Variants in LRRC3C observed in about 807,000 individuals in gnomAD.
LRRC3C encodes the protein leucine-rich repeat-containing protein 3C.
Under a neutral mutation model 14.8 loss-of-function variants are expected in LRRC3C, and 11 were observed. The ratio of observed to expected loss-of-function variants is 0.74; its 90% CI spans 0.47 to 1.23. LRRC3C has a LOEUF of 1.23. Among genes scored for constraint, LRRC3C ranks in the 50% most tolerant of loss-of-function variants. The pLI is 0.00. For synonymous variants in LRRC3C, 149 were observed against 161.5 expected, an observed-to-expected ratio of 0.92 and a Z score of 0.59; for missense variants, 354 against 361.8, an observed-to-expected ratio of 0.98 and a Z score of 0.18.
Position 39,941,540 on chromosome 17 carries a change from C to T in LRRC3C, c.17C>T (p.Ser6Phe). Reference sequence around the variant, plus strand: ...AGGTCTCCAATGCGTATGACCTCATCTTCCTTCGTGTAAGTATATCCACCC... The same window carrying T: ...AGGTCTCCAATGCGTATGACCTCATTTTCCTTCGTGTAAGTATATCCACCC... MRMTSSSFVSYCTPGL... is the reference protein window; with the variant it reads MRMTSFSFVSYCTPGL... Residue 6 changes from serine to phenylalanine, a missense_variant, in exon 3 of 4, where the codon TCT (serine) becomes TTT (phenylalanine). Transcript: ENST00000377924. The T allele has an allele frequency of 6.5e-7, 1 of 1,535,842 alleles. No homozygotes were observed.
At position 39,943,253 on chromosome 17, in the gene LRRC3C, C is replaced by G. The variant is rs531566621; in HGVS notation, c.27-680C>G. ...TCTCCAGAGCCCAGCAGCAGGGAGC[C>G]TACGTCCAGGGACAGGGCATCTGCA... On this transcript the variant is annotated intron_variant, in intron 3 of 3. Transcript: ENST00000377924. 2.6e-5 allele frequency among the ~76,000 whole-genome samples: 4 copies of G among 152,300 alleles called. No individual in the cohort carries two copies. In the South Asian group the frequency reaches 8.3e-4, roughly 32 times the overall value.
intron 1 of LRRC3C, among the ~76,000 whole-genome samples, chr17:39,931,763 C>T (rs1978657270): frequency 1.4e-4 from 1 of 6,970 alleles, no homozygotes; most frequent in Non-Finnish European, 3.6e-4. Flanking sequence ...GATTTTCCTG[C>T]CTCAGCCTCC....
At chr17:39,935,716 C>A (rs1265375730) in intron 1 of LRRC3C, 86 bp from the exon 2 acceptor site, 1 of 598,026 alleles carries the variant, frequency 1.7e-6, no homozygotes, top group Non-Finnish European at 2.1e-6. Context: ...ACAGTACATG[C>A]TCAGATATGT....
chr17:39,942,270 C>G (rs1057453060), intron 3 of LRRC3C, among the ~76,000 whole-genome samples: 4 of 152,208 alleles, frequency 2.6e-5, no homozygotes, highest in African/African-American at 9.7e-5. Context: ...GTGACATGCC[C>G]AGGTCACACA....
In LRRC3C at chr17:39,944,533, G is replaced by C. The variant is rs77647138; in HGVS notation, c.627G>C (p.Leu209=). Reference sequence around the variant, plus strand: ...TGCTGCTGGCAGGGGAGGAAGAGCTGTGTGGGTCGGGGTGGGGTGGGGCCC... The same window carrying C: ...TGCTGCTGGCAGGGGAGGAAGAGCTCTGTGGGTCGGGGTGGGGTGGGGCCC... ...EFLLLAGEEE[L]CGSGWGGARR... is the part of the protein sequence containing the mutation. Residue 209 remains leucine, a synonymous_variant, in exon 4 of 4, where the codon CTG becomes CTC. Transcript: ENST00000377924. 5.1e-3 allele frequency: 7,693 copies of C among 1,507,966 alleles called. 69 individuals carry two copies. The highest frequency in any genetic ancestry group is 0.038 in the African/African-American group (2,769 of 72,728). The allele number at this position is 1,507,966 out of a possible 1,614,324, so 93.4% of individuals were successfully genotyped here. A position where few individuals can be genotyped will look rare whatever the true frequency, so the allele number is the denominator to read the frequency against.
chr17:39,930,396 TAAAAAAAAAAAAAAAAA>T (rs34932103), intron 1 of LRRC3C, among the ~76,000 whole-genome samples: 3 of 48,590 alleles, frequency 6.2e-5, no homozygotes, highest in East Asian at 7.1e-4. Flanking sequence ...AAACTGACTT[TAAAAAAAAAAAAAAAAA>T]AAAAAAAAAA....
Position 39,944,498 on chromosome 17 carries a change from C to A in LRRC3C, c.592C>A (p.Gln198Lys). ...GSGARPDLVGQEFLLLAGEEE... is the reference protein window; with the variant it reads ...GSGARPDLVGKEFLLLAGEEE... The stretch of plus-strand genomic sequence containing the variant: ...AGGAGCCCGACCGGACCTCGTGGGG[C>A]AGGAGTTCCTGCTGCTGGCAGGGGA... Residue 198 changes from glutamine (Q) to lysine (K), a missense_variant, in exon 4 of 4, where the codon CAG (glutamine) becomes AAG (lysine). Transcript: ENST00000377924. 1 of 1,489,876 alleles carries A rather than the reference C, an allele frequency of 6.7e-7. No homozygotes were observed. The highest frequency in any genetic ancestry group is 1.4e-5 in the African/African-American group (1 of 72,124). The allele number at this position is 1,489,876 out of a possible 1,614,324, so 92.3% of individuals were successfully genotyped here. A position where few individuals can be genotyped will look rare whatever the true frequency, so the allele number is the denominator to read the frequency against.
chr17:39,944,879 T>C lies in LRRC3C; in HGVS notation c.*145T>C. On this transcript the variant is annotated 3_prime_UTR_variant, in exon 4 of 4. Transcript: ENST00000377924. ...CCCTCCTTTATTCCCCCTAAATACC[T>C]GTGCTGGTTCTCTCTCTCTCTCTCT... is the stretch of plus-strand genomic sequence containing the variant. 1 of 688,298 alleles carries C rather than the reference T, an allele frequency of 1.5e-6. No individual in the cohort carries two copies. The allele number at this position is 688,298 out of a possible 1,614,324, so 42.6% of individuals were successfully genotyped here. A position where few individuals can be genotyped will look rare whatever the true frequency, so the allele number is the denominator to read the frequency against.
At position 39,944,684 on chromosome 17, in the gene LRRC3C, G is replaced by A; in HGVS notation, c.778G>A (p.Val260Met). The change falls in exon 4 of 4, where the codon GTG becomes ATG. Residue 260 changes from valine to methionine, a missense_variant. Val to Met is a conservative substitution (Grantham distance 21). Coordinates refer to ENST00000377924, the MANE Select transcript of LRRC3C (RefSeq NM_001195545.2). ...ETRRSLKRAPVLPVRSEDSSI... is the reference protein window; with the variant it reads ...ETRRSLKRAPMLPVRSEDSSI... ...CAGGCGCTCCCTCAAGCGGGCCCCA[G>A]TGCTGCCCGTGCGTTCCGAGGACTC... The A allele has an allele frequency of 6.5e-7, 1 of 1,535,988 alleles. No individual in the cohort carries two copies. The highest frequency in any genetic ancestry group is 8.7e-7 in the Non-Finnish European group (1 of 1,146,870).
intron 1 of LRRC3C, among the ~76,000 whole-genome samples, chr17:39,932,956 G>C (rs1311595139): frequency 6.6e-6 from 1 of 152,064 alleles, no homozygotes; most frequent in Non-Finnish European, 1.5e-5. Context: ...GAAGACTGAG[G>C]TGGGAGAATT....
intron 1 of LRRC3C, chr17:39,934,476 G>A (rs1568117382): frequency 6.6e-6 from 1 of 152,130 alleles, no homozygotes; most frequent in African/African-American, 2.4e-5. Flanking sequence ...TCCTCCCTCA[G>A]TAACAATCAC....
intron 1 of LRRC3C, among the ~76,000 whole-genome samples, chr17:39,930,977 A>G (rs539609375): frequency 1.3e-5 from 2 of 151,446 alleles, no homozygotes; most frequent in African/African-American, 2.4e-5. Context: ...CCCCGCCTCT[A>G]CTAAAAATAC....
intron 2 of LRRC3C, among the ~76,000 whole-genome samples, chr17:39,937,501 T>C (rs549310346): frequency 6.6e-6 from 1 of 151,172 alleles, no homozygotes; most frequent in South Asian, 2.1e-4. Context: ...AGCCACGGAA[T>C]CAAGTCCCAA....
At chr17:39,929,277 AGTCCAC>A (rs1978580547) in intron 1 of LRRC3C, 2 of 152,240 alleles carry the variant, frequency 1.3e-5, no homozygotes, top group South Asian at 4.1e-4. Flanking sequence ...ACCCAGACTG[AGTCCAC>A]GTCTCAAATA....
chr17:39,943,282 G>A (rs1023030322), intron 3 of LRRC3C, among the ~76,000 whole-genome samples: 2 of 152,198 alleles, frequency 1.3e-5, no homozygotes, highest in Non-Finnish European at 2.9e-5. Context: ...ATCTGCACTG[G>A]AGAAGGCTCT....
At chr17:39,930,787 A>C (rs1270415123) in intron 1 of LRRC3C, among the ~76,000 whole-genome samples, 1 of 151,430 alleles carries the variant, frequency 6.6e-6, no homozygotes. Flanking sequence ...CAACGATATT[A>C]AGGAATTCTA....
chr17:39,944,220 T>G lies in LRRC3C; in HGVS notation c.314T>G (p.Leu105Arg), dbSNP rs1431964821. The G allele has an allele frequency of 2.0e-6, 3 of 1,535,746 alleles. No individual in the cohort carries two copies. Among genetic ancestry groups the G allele is most frequent in the Non-Finnish European group, 2.6e-6 (3 of 1,146,816 alleles). The change falls in exon 4 of 4, where the codon CTG (leucine) becomes CGG (arginine). Residue 105 changes from leucine to arginine, a missense_variant. Leu to Arg is a moderately radical substitution (Grantham distance 102). Transcript: ENST00000377924. ...PAGAFQHLPV[L>R]EELDLSHNAL... is the part of the protein sequence containing the mutation. ...GGTGCCTTCCAGCACCTGCCTGTCC[T>G]GGAGGAGTTGGATCTGTCCCATAAT...
intron 1 of LRRC3C, among the ~76,000 whole-genome samples, chr17:39,934,899 G>T (rs1437220722): frequency 6.6e-6 from 1 of 152,164 alleles, no homozygotes; most frequent in African/African-American, 2.4e-5. Flanking sequence ...GACCATTTAA[G>T]GTAACTTCCT....
chr17:39,931,456 A>AG (rs898658713), intron 1 of LRRC3C, among the ~76,000 whole-genome samples: 2 of 151,078 alleles, frequency 1.3e-5, no homozygotes, highest in Non-Finnish European at 3.0e-5. Context: ...AAAAAAAAAA[A>AG]AAAAAAAAAA....
Sources: allele counts gnomAD v4.1 joint callset (sites outside exome capture counted in the v4.1 genomes callset), GRCh38; gene constraint gnomAD v4.1.1; transcripts MANE v1.5; gene names NCBI Gene and HGNC (gene_info 2026-07-23, HGNC 2026-07-21).